The following ELF1 variants were observed in gnomAD, a reference collection of about 807,000 sequenced individuals.
ELF1 encodes the protein ETS-related transcription factor Elf-1.
A neutral mutation model predicts 59.9 loss-of-function variants in ELF1; 24 were observed. The observed-to-expected ratio is 0.40, with a 90% CI of 0.29 to 0.56. The LOEUF (loss-of-function observed/expected upper bound fraction) is 0.56. ELF1 is among the 20% of genes least tolerant of loss of function. The probability of loss-of-function intolerance (pLI) is 0.44; values close to 1 mark genes in which losing one functional copy is unlikely to be tolerated. For missense variants in ELF1, 627 were observed against 742.2 expected (o/e 0.84, Z 1.80); for synonymous variants, 248 against 266.2 (o/e 0.93, Z 0.67).
chr13:41,041,824 T>C (rs987716224), intron 1 of ELF1, among the ~76,000 whole-genome samples: 5 of 152,280 alleles, frequency 3.3e-5, no homozygotes, highest in Admixed American at 1.3e-4. Flanking sequence ...TTCTCTATTT[T>C]TTACTTTCCA....
chr13:41,042,536 C>CGG (rs1236997469), intron 1 of ELF1, among the ~76,000 whole-genome samples: 1 of 151,990 alleles, frequency 6.6e-6, no homozygotes, highest in East Asian at 1.9e-4. Flanking sequence ...TCAATTCCTA[C>CGG]CTATGAGTGA....
chr13:41,041,690 A>T (rs1490336627), intron 1 of ELF1, among the ~76,000 whole-genome samples: 1 of 152,106 alleles, frequency 6.6e-6, no homozygotes, highest in African/African-American at 2.4e-5. Flanking sequence ...GGAAAAAAAA[A>T]GGGCATCCAG....
intron 1 of ELF1, among the ~76,000 whole-genome samples, chr13:41,059,061 A>G (rs1326682116): frequency 6.6e-6 from 1 of 152,262 alleles, no homozygotes; most frequent in Non-Finnish European, 1.5e-5. Context: ...CCTTCTTTCC[A>G]AATTTTCAAC....
intron 1 of ELF1, among the ~76,000 whole-genome samples, chr13:40,993,555 A>G (rs1005367417): frequency 5.3e-5 from 8 of 152,120 alleles, no homozygotes; most frequent in African/African-American, 1.7e-4. Context: ...ATCCTTGCTC[A>G]CTATGGCCTC....
At chr13:41,023,118 G>A (rs1199023589), upstream of ELF1, among the ~76,000 whole-genome samples, 1 of 152,170 alleles carries the variant, frequency 6.6e-6, no homozygotes, top group African/African-American at 2.4e-5. Flanking sequence ...ACTATTAGCT[G>A]AGAGAGATTG....
chr13:40,984,943 G>A (rs148562952), intron 1 of ELF1, among the ~76,000 whole-genome samples: 23 of 152,194 alleles, frequency 1.5e-4, no homozygotes, highest in South Asian at 1.0e-3. Flanking sequence ...AAAAAATCAG[G>A]ATAAGCAACC....
chr13:41,029,090 GAAC>G (rs1876064062), intron 1 of ELF1, among the ~76,000 whole-genome samples: 1 of 152,284 alleles, frequency 6.6e-6, no homozygotes, highest in African/African-American at 2.4e-5. Flanking sequence ...GGACATAAGA[GAAC>G]AACATTCAAG....
rs886560283 is a variant in ELF1 at position 40,932,324 on chromosome 13, A to AC, written c.*1100dup. 1.7e-3 allele frequency: 251 copies of AC among 147,604 alleles called. 1 individual carries two copies. Among genetic ancestry groups the AC allele is most frequent in the African/African-American group, 5.2e-3 (211 of 40,274 alleles). The allele number at this position is 147,604 out of a possible 1,614,324, so 9.1% of individuals were successfully genotyped here. ...GATATATATGTTATCTTTGTATGCA[A>AC]CCCCCCCCAAGTCCGCCCCCAGTAA... On this transcript the variant is annotated 3_prime_UTR_variant, in exon 9 of 9. Coordinates refer to ENST00000239882, the MANE Select transcript of ELF1 (RefSeq NM_172373.4).
chr13:41,040,997 G>C (rs905923332), intron 1 of ELF1, among the ~76,000 whole-genome samples: 2 of 152,176 alleles, frequency 1.3e-5, no homozygotes, highest in Admixed American at 1.3e-4. Flanking sequence ...ATTTTAGATA[G>C]AGTGATTGGG....
chr13:41,042,989 T>C (rs973052454), intron 1 of ELF1, among the ~76,000 whole-genome samples: 4 of 152,202 alleles, frequency 2.6e-5, no homozygotes, highest in Admixed American at 6.5e-5. Flanking sequence ...TTTTAATGAT[T>C]GCCATTCTAA....
At chr13:41,046,751 C>T (rs1056387309) in intron 1 of ELF1, among the ~76,000 whole-genome samples, 2 of 152,102 alleles carry the variant, frequency 1.3e-5, no homozygotes, top group South Asian at 2.1e-4. Flanking sequence ...GTGAATCTGA[C>T]GATTATGTGT....
chr13:41,017,627 T>C (rs932362171), intron 1 of ELF1, among the ~76,000 whole-genome samples: 2 of 152,068 alleles, frequency 1.3e-5, no homozygotes, highest in Non-Finnish European at 2.9e-5. Flanking sequence ...TCAGTCTCTA[T>C]CACGTAAGAA....
intron 2 of ELF1, among the ~76,000 whole-genome samples, chr13:40,977,259 T>C (rs1041017490): frequency 6.6e-5 from 10 of 152,076 alleles, no homozygotes; most frequent in Non-Finnish European, 1.3e-4. Context: ...ACACGCTTGT[T>C]AAGATCAAAC....
intron 1 of ELF1, among the ~76,000 whole-genome samples, chr13:41,035,448 G>A (rs1876334812): frequency 6.6e-6 from 1 of 151,540 alleles, no homozygotes; most frequent in African/African-American, 2.4e-5. Flanking sequence ...CCATTCTCAG[G>A]TCATTTAGAC....
chr13:40,932,214 A>G lies in ELF1; in HGVS notation c.*1211T>C, dbSNP rs1176139697. On this transcript the variant is annotated 3_prime_UTR_variant, in exon 9 of 9. Transcript: ENST00000239882. ...ATTTCTGTTATACTAGAAAATTTGC[A>G]GAAGACATTTTTTTCTTGTGACATT... The G allele has an allele frequency of 1.3e-5, 2 of 152,122 alleles. No homozygotes were observed. Among genetic ancestry groups the G allele is most frequent in the African/African-American group, 4.8e-5 (2 of 41,376 alleles). The allele number at this position is 152,122 out of a possible 1,614,324, so 9.4% of individuals were successfully genotyped here.
Position 40,943,160 on chromosome 13 carries a change from T to C in ELF1, c.614-16A>G. On this transcript the variant is annotated splice_polypyrimidine_tract_variant and intron_variant, in intron 6 of 8. Transcript: ENST00000239882. ...ATTGTGTTTCCTGAAACAAAAACAA[T>C]TTCTTTCTAAATGACCAAAATTTCA... The C allele has an allele frequency of 6.7e-7, 1 of 1,496,752 alleles. No homozygotes were observed. Among genetic ancestry groups the C allele is most frequent in the Non-Finnish European group, 9.0e-7 (1 of 1,115,356 alleles). 92.7% of individuals were successfully genotyped at this position (1,496,752 alleles called of 1,614,324 possible). A position where few individuals can be genotyped will look rare whatever the true frequency, so the allele number is the denominator to read the frequency against.
chr13:41,058,770 C>T (rs1877379130), intron 1 of ELF1, among the ~76,000 whole-genome samples: 1 of 152,122 alleles, frequency 6.6e-6, no homozygotes, highest in African/African-American at 2.4e-5. Flanking sequence ...GTCAGGGGTT[C>T]GAGACCAGCC....
intron 2 of ELF1, among the ~76,000 whole-genome samples, chr13:40,962,557 G>A (rs188921723): frequency 8.4e-4 from 128 of 151,834 alleles, no homozygotes; most frequent in African/African-American, 3.0e-3. Context: ...ATGGTGACGG[G>A]CACCTGCAAT....
chr13:40,966,774 C>G (rs1872198573), intron 2 of ELF1, among the ~76,000 whole-genome samples: 1 of 152,182 alleles, frequency 6.6e-6, no homozygotes. Context: ...AACATCCCAT[C>G]AAAATCCTCT....
Sources: allele counts gnomAD v4.1 joint callset (sites outside exome capture counted in the v4.1 genomes callset), GRCh38; gene constraint gnomAD v4.1.1; transcripts MANE v1.5; gene names NCBI Gene and HGNC (gene_info 2026-07-23, HGNC 2026-07-21).